Variants in RIN3 observed in about 807,000 individuals in gnomAD.
RIN3 encodes RAB5 interacting protein 3.
In RIN3, 54 loss-of-function variants were observed where a neutral mutation model predicts 76.3. The ratio of observed to expected loss-of-function variants is 0.71; its 90% CI spans 0.57 to 0.89. The LOEUF (loss-of-function observed/expected upper bound fraction) is 0.89. Among genes scored for constraint, RIN3 ranks in the 40% least tolerant of loss-of-function variants. The probability of loss-of-function intolerance (pLI) is 0.00; values close to 1 mark genes in which losing one functional copy is unlikely to be tolerated. For synonymous variants in RIN3, 576 were observed against 564.0 expected (o/e 1.02, Z -0.30); for missense variants, 1,256 against 1,322.1 (o/e 0.95, Z 0.78).
intron 1 of RIN3, among the ~76,000 whole-genome samples, chr14:92,526,293 TA>T (rs980591754): frequency 1.3e-5 from 2 of 152,070 alleles, no homozygotes; most frequent in African/African-American, 4.8e-5. Flanking sequence ...CCGTCTCTAC[TA>T]AAAAATTTTT....
chr14:92,536,532 A>G (rs1262126832), intron 1 of RIN3, among the ~76,000 whole-genome samples: 1 of 152,122 alleles, frequency 6.6e-6, no homozygotes, highest in Admixed American at 6.5e-5. Flanking sequence ...TCACGAGGTC[A>G]GGAGATCGAG....
intron 1 of RIN3, among the ~76,000 whole-genome samples, chr14:92,544,757 C>A (rs1016532918): frequency 3.1e-4 from 47 of 152,118 alleles, no homozygotes; most frequent in African/African-American, 1.1e-3. Context: ...TAGAGAACAA[C>A]ATTGCAATGC....
At position 92,514,248 on chromosome 14, in the gene RIN3, G is replaced by A. The variant is rs1187007766; in HGVS notation, c.44+272G>A. On this transcript the variant is annotated intron_variant, in intron 1 of 9. Transcript: ENST00000216487. The surrounding 1 kb of genome is among the most constrained non-coding windows in gnomAD (Gnocchi z 7.2). ...TGCACACTTTAGGCTGCTGGTGGACGGATTACGAGGGAGTGCGTCGCTACC... is the reference window on the plus strand; with the variant it reads ...TGCACACTTTAGGCTGCTGGTGGACAGATTACGAGGGAGTGCGTCGCTACC... Among the ~76,000 whole-genome samples the A allele has an allele frequency of 6.6e-6, 1 of 152,080 alleles. No homozygotes were observed. Among genetic ancestry groups the A allele is most frequent in the African/African-American group, 2.4e-5 (1 of 41,412 alleles).
chr14:92,578,412 A>T (rs1387565891), intron 3 of RIN3, among the ~76,000 whole-genome samples: 1 of 151,696 alleles, frequency 6.6e-6, no homozygotes, highest in Non-Finnish European at 1.5e-5. Context: ...ACTGCTGGGC[A>T]CCCATCTGTG....
In RIN3 at chr14:92,652,990, G is replaced by A. The variant is rs751154201; in HGVS notation, c.1941G>A (p.Met647Ile). 12 of 1,613,260 alleles carry A rather than the reference G, an allele frequency of 7.4e-6. No homozygotes were observed. In the African/African-American group the frequency reaches 1.6e-4, roughly 21 times the overall value. ...AGATGCTGCAGGAGATTCGCACCAT[G>A]ATGACCCAGCTCAAGAGCTACCTGC... The part of the protein sequence containing the change: ...STEMLQEIRT[M>I]MTQLKSYLLQ... Residue 647 changes from methionine (M) to isoleucine (I), a missense_variant, in exon 6 of 10, where the codon ATG becomes ATA. Met to Ile is a conservative substitution (Grantham distance 10). Transcript: ENST00000216487. The surrounding 1 kb of genome is among the most constrained non-coding windows in gnomAD (Gnocchi z 6.4).
At chr14:92,679,136 C>T (rs1888578590) in intron 8 of RIN3, among the ~76,000 whole-genome samples, 1 of 152,176 alleles carries the variant, frequency 6.6e-6, no homozygotes, top group African/African-American at 2.4e-5. Flanking sequence ...AGCCAAAGTA[C>T]AAAAAAAGTT....
intron 7 of RIN3, among the ~76,000 whole-genome samples, chr14:92,672,112 T>C (rs993126030): frequency 2.6e-5 from 4 of 151,944 alleles, no homozygotes; most frequent in African/African-American, 7.3e-5. Context: ...ACTTTGAAAA[T>C]AGAGACTGGG....
chr14:92,686,892 G>C (rs1888876295), intron 9 of RIN3: 1 of 152,484 alleles, frequency 6.6e-6, no homozygotes, highest in South Asian at 2.1e-4. Context: ...CCACTAAGAC[G>C]GAGGGAGTGG....
chr14:92,614,534 A>G lies in RIN3; in HGVS notation c.368-873A>G, dbSNP rs145816662. On this transcript the variant is annotated intron_variant, in intron 3 of 9. Coordinates refer to ENST00000216487, the MANE Select transcript of RIN3 (RefSeq NM_024832.5). ...TATGGTTTGGCTGTGTCCTCACCCAAATCTCACCTTGAATTATAGCTCCCA... is the reference window on the plus strand; with the variant it reads ...TATGGTTTGGCTGTGTCCTCACCCAGATCTCACCTTGAATTATAGCTCCCA... 3.1e-3 allele frequency among the ~76,000 whole-genome samples: 473 copies of G among 152,210 alleles called. 7 individuals are homozygous for G. The East Asian group carries it at 0.041, about 13-fold the overall frequency.
Position 92,656,231 on chromosome 14 carries a change from C to G in RIN3, c.2027-2930C>G, listed in dbSNP as rs1308889146. Among the ~76,000 whole-genome samples, 1 of 152,084 alleles carries G rather than the reference C, an allele frequency of 6.6e-6. No homozygotes were observed. Among genetic ancestry groups the G allele is most frequent in the Middle Eastern group, 3.2e-3 (1 of 316 alleles). ...AAAGGGTAGTGGAAGGACTTTCCTT[C>G]CGGAAAGGGATGACAGCGTGGACAA... On this transcript the variant is annotated intron_variant, in intron 6 of 9. Transcript: ENST00000216487. The surrounding 1 kb of genome is among the most constrained non-coding windows in gnomAD (Gnocchi z 5.2).
chr14:92,612,251 G>A (rs373412421), intron 3 of RIN3, among the ~76,000 whole-genome samples: 1 of 152,208 alleles, frequency 6.6e-6, no homozygotes, highest in Non-Finnish European at 1.5e-5. Flanking sequence ...CGGGCAGGTG[G>A]TGTGGCCTAG....
intron 1 of RIN3, among the ~76,000 whole-genome samples, chr14:92,525,514 A>G (rs1051045197): frequency 2.0e-5 from 3 of 151,794 alleles, no homozygotes; most frequent in African/African-American, 4.8e-5. Flanking sequence ...GATGCCAAAG[A>G]GGGGGGTGAA....
intron 4 of RIN3, among the ~76,000 whole-genome samples, chr14:92,628,084 G>A (rs561202060): frequency 5.9e-5 from 9 of 152,268 alleles, no homozygotes; most frequent in South Asian, 2.1e-4. Flanking sequence ...GAGGGTGGGC[G>A]TTTGACAGGG....
At chr14:92,597,269 C>T (rs886890758) in intron 3 of RIN3, among the ~76,000 whole-genome samples, 2 of 152,132 alleles carry the variant, frequency 1.3e-5, no homozygotes, top group South Asian at 2.1e-4. Flanking sequence ...TGATAGGACA[C>T]GTGTAGCATA....
chr14:92,628,722 A>G (rs139639198), intron 4 of RIN3, among the ~76,000 whole-genome samples: 86 of 152,328 alleles, frequency 5.6e-4, no homozygotes, highest in African/African-American at 2.1e-3. Flanking sequence ...AAGAAGGTTT[A>G]AGTCCTGAAA....
chr14:92,577,525 A>AGCCTCTCTGCTGCT, intron 3 of RIN3, 48 bp downstream of exon 3: 1 of 1,180,812 alleles, frequency 8.5e-7, no homozygotes, highest in Non-Finnish European at 1.3e-6. Flanking sequence ...CGGCAGCAGC[A>AGCCTCTCTGCTGCT]GCAGCAGAGA....
rs1222726110 is a variant in RIN3 at position 92,643,051 on chromosome 14, CCTCTTAA to C, written c.532+1728_532+1734del. 6.6e-6 allele frequency among the ~76,000 whole-genome samples: 1 copy of C among 151,944 alleles called. No individual in the cohort carries two copies. Among genetic ancestry groups the C allele is most frequent in the Non-Finnish European group, 1.5e-5 (1 of 67,982 alleles). Reference sequence around the variant, plus strand: ...CCACACCTGCCATCGTCTCATGGTGCCTCTTAACTCTTTTTTTTTTGAGATGGAGTCT... The same window carrying C: ...CCACACCTGCCATCGTCTCATGGTGCCTCTTTTTTTTTTGAGATGGAGTCT... On this transcript the variant is annotated intron_variant, in intron 5 of 9. Coordinates refer to ENST00000216487, the MANE Select transcript of RIN3 (RefSeq NM_024832.5). The surrounding 1 kb of genome is among the most constrained non-coding windows in gnomAD (Gnocchi z 4.8).
intron 8 of RIN3, among the ~76,000 whole-genome samples, chr14:92,683,234 T>C (rs1250206978): frequency 6.6e-6 from 1 of 151,382 alleles, no homozygotes; most frequent in African/African-American, 2.4e-5. Context: ...GCCTTTGCAG[T>C]GGTGGGAAAG....
At chr14:92,678,637 A>C (rs1334583459) in intron 8 of RIN3, among the ~76,000 whole-genome samples, 2 of 149,506 alleles carry the variant, frequency 1.3e-5, no homozygotes, top group Non-Finnish European at 3.0e-5. Context: ...GCAATCACAC[A>C]CCCATTCATC....
Sources: allele counts gnomAD v4.1 joint callset (sites outside exome capture counted in the v4.1 genomes callset), GRCh38; gene constraint gnomAD v4.1.1; non-coding constraint Gnocchi (gnomAD v3.1); transcripts MANE v1.5; gene names NCBI Gene and HGNC (gene_info 2026-07-23, HGNC 2026-07-21).